Variants in AOX1 observed in about 807,000 individuals in gnomAD.
AOX1 encodes the protein aldehyde oxidase.
A neutral mutation model predicts 169.5 loss-of-function variants in AOX1; 153 were observed. That is an observed-to-expected ratio of 0.90 (90% CI 0.79 to 1.03). The LOEUF (loss-of-function observed/expected upper bound fraction) is 1.03, where lower values mean the gene tolerates loss of function less well. Ranked by LOEUF, AOX1 falls within the 50% of genes least tolerant of loss-of-function variation. The probability of loss-of-function intolerance (pLI) is 0.00; values close to 1 mark genes in which losing one functional copy is unlikely to be tolerated. For synonymous variants in AOX1, 562 were observed against 581.9 expected (o/e 0.97, Z 0.49); for missense variants, 1,656 against 1,663.9 (o/e 1.00, Z 0.08).
chr2:200,610,069 A>G (rs2034602668), intron 12 of AOX1, among the ~76,000 whole-genome samples: 1 of 135,578 alleles, frequency 7.4e-6, no homozygotes. Flanking sequence ...TTAAACCATA[A>G]AACTATCTTT....
chr2:200,677,574 G>A (rs1428985047), downstream of AOX1, among the ~76,000 whole-genome samples: 1 of 152,184 alleles, frequency 6.6e-6, no homozygotes, highest in African/African-American at 2.4e-5. Flanking sequence ...TAGCAAGAAT[G>A]GAAGAGAAGT....
At chr2:200,641,023 G>T in intron 23 of AOX1, 75 bp from the exon 24 acceptor site, 2 of 973,578 alleles carry the variant, frequency 2.1e-6, no homozygotes, top group Non-Finnish European at 3.3e-6. Flanking sequence ...CCCTATGTGT[G>T]GAGGGTTTGC....
At chr2:200,602,415 AT>A in intron 6 of AOX1, 70 bp downstream of exon 6, 1 of 1,355,402 alleles carries the variant, frequency 7.4e-7, no homozygotes, top group Non-Finnish European at 1.1e-6. Flanking sequence ...GTTGTCAGTG[AT>A]TAGGGGGGCA....
intron 5 of AOX1, among the ~76,000 whole-genome samples, chr2:200,600,511 C>T (rs889455776): frequency 2.0e-5 from 3 of 152,008 alleles, no homozygotes; most frequent in East Asian, 1.9e-4. Context: ...ATTCTAAACA[C>T]GTTTTTTTAA....
downstream of AOX1, among the ~76,000 whole-genome samples, chr2:200,681,800 C>CA (rs940113594): frequency 3.3e-5 from 5 of 152,114 alleles, no homozygotes; most frequent in Admixed American, 2.6e-4. Flanking sequence ...CTTATTGAAA[C>CA]AGTCTTTGTG....
chr2:200,600,941 G>A (rs1162888868), intron 5 of AOX1, among the ~76,000 whole-genome samples: 1 of 151,988 alleles, frequency 6.6e-6, no homozygotes, highest in Admixed American at 6.6e-5. Flanking sequence ...ACACCGGATC[G>A]CACTGTGGGA....
downstream of AOX1, chr2:200,677,128 T>C (rs1351603701): frequency 5.8e-6 from 2 of 347,036 alleles, no homozygotes; most frequent in Admixed American, 4.1e-5. Context: ...GTGACTTGTG[T>C]GTGAGTTGCT....
chr2:200,680,984 T>C (rs972674698), downstream of AOX1, among the ~76,000 whole-genome samples: 1 of 152,200 alleles, frequency 6.6e-6, no homozygotes, highest in African/African-American at 2.4e-5. Flanking sequence ...GAGCTCTCTT[T>C]GTGGAGGGAA....
chr2:200,607,510 C>G (rs2034539979), intron 10 of AOX1, among the ~76,000 whole-genome samples: 1 of 152,170 alleles, frequency 6.6e-6, no homozygotes, highest in Admixed American at 6.5e-5. Flanking sequence ...TGCTTTTACA[C>G]TGTTGGTAGG....
chr2:200,616,018 A>G lies in AOX1; in HGVS notation c.1659A>G (p.Leu553=), dbSNP rs781154049. ...TTGCAGACAAGTATGAAAGTGCTTT[A>G]GAAGATCTTCATTCCAAACATCACT... The part of the protein sequence containing the change: ...PSLADKYESA[L]EDLHSKHHCS... Residue 553 remains leucine, a synonymous_variant, in exon 16 of 35, where the codon TTA becomes TTG. Coordinates refer to ENST00000374700, the MANE Select transcript of AOX1 (RefSeq NM_001159.4). 130 of 1,613,866 alleles carry G rather than the reference A, an allele frequency of 8.1e-5. No individual in the cohort carries two copies. The South Asian group carries it at 1.4e-3, about 17-fold the overall frequency.
In AOX1 at chr2:200,638,205, T is replaced by C. The variant is rs2035277847; in HGVS notation, c.2481-10T>C. ...AAGAGGTTACCTCACTTACTTTTTT[T>C]CTGTTTTAGACATGGCCGTGCAGTT... On this transcript the variant is annotated splice_polypyrimidine_tract_variant and intron_variant, in intron 22 of 34. Transcript: ENST00000374700. The C allele has an allele frequency of 1.2e-6, 2 of 1,612,888 alleles. No homozygotes were observed. Among genetic ancestry groups the C allele is most frequent in the Non-Finnish European group, 1.7e-6 (2 of 1,179,150 alleles).
intron 25 of AOX1, among the ~76,000 whole-genome samples, chr2:200,645,832 C>G (rs1328803282): frequency 1.3e-5 from 2 of 152,084 alleles, no homozygotes; most frequent in Non-Finnish European, 2.9e-5. Flanking sequence ...TCCATCTCTT[C>G]TAGGTTTTCT....
At chr2:200,654,928 A>T (rs2035652429) in intron 26 of AOX1, among the ~76,000 whole-genome samples, 1 of 152,216 alleles carries the variant, frequency 6.6e-6, no homozygotes, top group Non-Finnish European at 1.5e-5. Flanking sequence ...CACCACATGG[A>T]ACAAATGGCT....
intron 25 of AOX1, 67 bp from the exon 26 acceptor site, chr2:200,650,907 T>C: frequency 7.0e-7 from 1 of 1,435,860 alleles, no homozygotes; most frequent in South Asian, 1.2e-5. Flanking sequence ...ACCAGGAGGA[T>C]GGTGAATGGA....
rs2036027278 is a variant in AOX1, at chr2:200,671,400, C to G, written c.*721C>G. On this transcript the variant is annotated 3_prime_UTR_variant, in exon 35 of 35. Transcript: ENST00000374700. ...GGTAGTTCTATTTTTAGTTTTTACC[C>G]TAACTACTCTGACTTGATCATTTAA... The G allele has an allele frequency of 6.6e-6, 1 of 152,154 alleles. No individual in the cohort carries two copies. The highest frequency in any genetic ancestry group is 1.5e-5 in the Non-Finnish European group (1 of 68,034). 9.4% of individuals were successfully genotyped at this position (152,154 alleles called of 1,614,324 possible). A position where few individuals can be genotyped will look rare whatever the true frequency, so the allele number is the denominator to read the frequency against.
Position 200,662,835 on chromosome 2 carries a change from A to G in AOX1, c.3429-20A>G. On this transcript the variant is annotated intron_variant, in intron 30 of 34. Transcript: ENST00000374700. ...AATTAGGGGACGTGATCACTTAACAACACTCACTGTTTCTTCCAGAGGTTA... is the reference window on the plus strand; with the variant it reads ...AATTAGGGGACGTGATCACTTAACAGCACTCACTGTTTCTTCCAGAGGTTA... 1 of 1,601,138 alleles carries G rather than the reference A, an allele frequency of 6.2e-7. No homozygotes were observed. Among genetic ancestry groups the G allele is most frequent in the Non-Finnish European group, 8.6e-7 (1 of 1,168,224 alleles).
At chr2:200,589,471 T>G (rs1407062725) in intron 1 of AOX1, among the ~76,000 whole-genome samples, 1 of 152,246 alleles carries the variant, frequency 6.6e-6, no homozygotes, top group East Asian at 1.9e-4. Context: ...CTGTGCTATC[T>G]GCTCTGCCAC....
chr2:200,615,848 G>A (rs2034744240), intron 15 of AOX1, 123 bp from the exon 16 acceptor site: 1 of 683,556 alleles, frequency 1.5e-6, no homozygotes, highest in Non-Finnish European at 2.6e-6. Context: ...AATAGGGTGA[G>A]TGCTTAATAT....
In AOX1 at chr2:200,662,336, A is replaced by G. The variant is rs1046218041; in HGVS notation, c.3429-519A>G. 2.6e-5 allele frequency among the ~76,000 whole-genome samples: 4 copies of G among 152,168 alleles called. 1 individual carries two copies. Among genetic ancestry groups the G allele is most frequent in the Admixed American group, 1.3e-4 (2 of 15,274 alleles). ...TGCTGACCCATGCTTCTGTTTTACC[A>G]TTATTTATTTGATGTTCTTAAAGAT... On this transcript the variant is annotated intron_variant, in intron 30 of 34. Coordinates refer to ENST00000374700, the MANE Select transcript of AOX1 (RefSeq NM_001159.4).
Sources: gnomAD v4.1 joint callset for allele counts (sites outside exome capture counted in the v4.1 genomes callset) on GRCh38, gnomAD v4.1.1 for gene constraint, MANE v1.5 for transcripts, NCBI Gene and HGNC (gene_info 2026-07-23, HGNC 2026-07-21) for gene names.